Variants in TYW1 observed in about 807,000 individuals in gnomAD.
TYW1 encodes tRNA-yW synthesizing protein 1 homolog.
Under a neutral mutation model 96.2 loss-of-function variants are expected in TYW1, and 46 were observed. The observed-to-expected ratio is 0.48, with a 90% confidence interval of 0.38 to 0.61. The LOEUF is 0.61. Among genes scored for constraint, TYW1 ranks in the 20% least tolerant of loss-of-function variants. TYW1 has a pLI of 0.00. For missense variants in TYW1, 684 were observed against 909.6 expected (o/e 0.75, Z 3.19); for synonymous variants, 274 against 323.0 (o/e 0.85, Z 1.63).
At chr7:67,113,014 T>A (rs939231099) in intron 12 of TYW1, among the ~76,000 whole-genome samples, 1 of 152,204 alleles carries the variant, frequency 6.6e-6, no homozygotes, top group Admixed American at 6.5e-5. Flanking sequence ...TTGTGATTCC[T>A]TTATCCTGCT....
chr7:67,070,003 T>C (rs781517327), intron 10 of TYW1, among the ~76,000 whole-genome samples: 1 of 152,240 alleles, frequency 6.6e-6, no homozygotes, highest in African/African-American at 2.4e-5. Context: ...TTGTTAGATA[T>C]AGAAATCTAG....
chr7:67,048,130 A>G (rs981334389), intron 7 of TYW1, among the ~76,000 whole-genome samples: 3 of 26,916 alleles, frequency 1.1e-4, no homozygotes, highest in Non-Finnish European at 2.3e-4. Context: ...ACACAGAGTG[A>G]TATAGTGAAT....
At chr7:67,084,115 C>T (rs1796468828) in intron 11 of TYW1, among the ~76,000 whole-genome samples, 1 of 152,162 alleles carries the variant, frequency 6.6e-6, no homozygotes, top group Non-Finnish European at 1.5e-5. Context: ...GGGAATGTAC[C>T]ATCAATCTTC....
intron 10 of TYW1, among the ~76,000 whole-genome samples, chr7:67,076,425 A>G (rs189709123): frequency 1.3e-5 from 2 of 152,316 alleles, no homozygotes. Flanking sequence ...CTCTGTGATT[A>G]TAGCAAAAGC....
chr7:67,010,174 T>C (rs1793743264), intron 4 of TYW1, among the ~76,000 whole-genome samples: 1 of 151,920 alleles, frequency 6.6e-6, no homozygotes, highest in South Asian at 2.1e-4. Flanking sequence ...GTCTGTGTTT[T>C]TTGCTAGAGA....
intron 7 of TYW1, among the ~76,000 whole-genome samples, chr7:67,035,563 C>T (rs1794810113): frequency 6.6e-6 from 1 of 152,124 alleles, no homozygotes; most frequent in Admixed American, 6.6e-5. Flanking sequence ...TAGAAAAACG[C>T]ACAGAGCTCC....
At chr7:67,204,170 AGTT>A (rs1800693741) in intron 15 of TYW1, among the ~76,000 whole-genome samples, 2 of 152,064 alleles carry the variant, frequency 1.3e-5, no homozygotes, top group Non-Finnish European at 2.9e-5. Flanking sequence ...GGGAATTTCT[AGTT>A]GTTCTCCAGA....
chr7:67,054,536 A>T (rs1795451874), intron 8 of TYW1, among the ~76,000 whole-genome samples: 1 of 151,896 alleles, frequency 6.6e-6, no homozygotes, highest in Admixed American at 6.5e-5. Flanking sequence ...AGATGTTTAC[A>T]TAAATACAGA....
At chr7:67,168,703 T>C (rs1799427440) in intron 13 of TYW1, among the ~76,000 whole-genome samples, 1 of 151,898 alleles carries the variant, frequency 6.6e-6, no homozygotes, top group African/African-American at 2.4e-5. Flanking sequence ...TTTTATTTCT[T>C]ATTCTTTTTT....
At chr7:67,229,045 G>T (rs1801658825) in intron 15 of TYW1, among the ~76,000 whole-genome samples, 1 of 152,150 alleles carries the variant, frequency 6.6e-6, no homozygotes, top group Admixed American at 6.5e-5. Context: ...AGAAGGGATG[G>T]AAGCTTGTAA....
intron 15 of TYW1, among the ~76,000 whole-genome samples, chr7:67,229,044 G>T (rs1801658698): frequency 6.6e-6 from 1 of 152,134 alleles, no homozygotes; most frequent in Admixed American, 6.6e-5. Flanking sequence ...GAGAAGGGAT[G>T]GAAGCTTGTA....
At chr7:67,043,114 A>G (rs1015501964) in intron 7 of TYW1, among the ~76,000 whole-genome samples, 6 of 151,990 alleles carry the variant, frequency 3.9e-5, no homozygotes, top group African/African-American at 9.7e-5. Context: ...CATTTAACAG[A>G]TAGCAACTGA....
In TYW1 at chr7:67,010,754, C is replaced by T. The variant is rs1431867304; in HGVS notation, c.375+1070C>T. On this transcript the variant is annotated intron_variant, in intron 4 of 15. Transcript: ENST00000359626. The stretch of plus-strand genomic sequence containing the variant: ...CCTCCCAAAGTGCTAGGATTACAGA[C>T]GTGAGTCACCGCGCCTGGCCAAAAG... 2.6e-5 allele frequency among the ~76,000 whole-genome samples: 4 copies of T among 152,066 alleles called. No homozygotes were observed. In the East Asian group the frequency reaches 5.8e-4, roughly 22 times the overall value.
chr7:67,136,241 C>T (rs1415205400), intron 13 of TYW1, among the ~76,000 whole-genome samples: 3 of 152,182 alleles, frequency 2.0e-5, no homozygotes, highest in Non-Finnish European at 4.4e-5. Flanking sequence ...ATAACCGTTT[C>T]CAGAACACAG....
At chr7:67,127,930 C>G (rs1051809328) in intron 13 of TYW1, among the ~76,000 whole-genome samples, 1 of 152,046 alleles carries the variant, frequency 6.6e-6, no homozygotes, top group Non-Finnish European at 1.5e-5. Flanking sequence ...CTTTCCTTTT[C>G]TATAGGTAAG....
chr7:67,154,646 G>A (rs903402548), intron 13 of TYW1, among the ~76,000 whole-genome samples: 2 of 152,142 alleles, frequency 1.3e-5, no homozygotes, highest in African/African-American at 4.8e-5. Context: ...TGACTATAGT[G>A]TGCCTAGAGA....
intron 10 of TYW1, among the ~76,000 whole-genome samples, chr7:67,079,097 C>T (rs1293570859): frequency 2.6e-5 from 4 of 151,744 alleles, no homozygotes; most frequent in African/African-American, 7.3e-5. Flanking sequence ...ATACTGGCCT[C>T]GTATAATACT....
At chr7:67,042,973 G>A (rs928240742) in intron 7 of TYW1, among the ~76,000 whole-genome samples, 4 of 151,846 alleles carry the variant, frequency 2.6e-5, no homozygotes, top group African/African-American at 9.7e-5. Flanking sequence ...CTCCAGCTTA[G>A]GCAACAGCCT....
intron 13 of TYW1, among the ~76,000 whole-genome samples, chr7:67,155,167 G>A (rs1300031462): frequency 3.3e-5 from 5 of 152,084 alleles, no homozygotes; most frequent in African/African-American, 1.2e-4. Context: ...GGAGAATTAC[G>A]ATTTTCCTTT....
Sources: gnomAD v4.1 joint callset for allele counts (sites outside exome capture counted in the v4.1 genomes callset) on GRCh38, gnomAD v4.1.1 for gene constraint, MANE v1.5 for transcripts, NCBI Gene and HGNC (gene_info 2026-07-23, HGNC 2026-07-21) for gene names.